FYB1: variants seen among roughly 807,000 people sequenced by gnomAD.
FYB1 encodes the protein FYN-binding protein 1.
A neutral mutation model predicts 94.1 loss-of-function variants in FYB1; 41 were observed. The observed-to-expected ratio is 0.44, with a 90% CI of 0.34 to 0.57. The LOEUF (loss-of-function observed/expected upper bound fraction) is 0.57, where lower values mean the gene tolerates loss of function less well. Ranked by LOEUF, FYB1 falls within the 20% of genes least tolerant of loss-of-function variation. The probability of loss-of-function intolerance (pLI) is 0.02; values close to 1 mark genes in which losing one functional copy is unlikely to be tolerated. For synonymous variants in FYB1, 367 were observed against 353.2 expected, an observed-to-expected ratio of 1.04 and a Z score of -0.44; for missense variants, 1,050 against 976.8, an observed-to-expected ratio of 1.07 and a Z score of -1.00.
chr5:39,187,123 G>A (rs139158895), intron 2 of FYB1, among the ~76,000 whole-genome samples: 105 of 152,088 alleles, frequency 6.9e-4, no homozygotes, highest in African/African-American at 2.4e-3. Context: ...TGCTCATTGC[G>A]CTTTTTGCAG....
intron 1 of FYB1, among the ~76,000 whole-genome samples, chr5:39,271,265 G>C (rs1055269155): frequency 6.6e-6 from 1 of 152,068 alleles, no homozygotes; most frequent in Non-Finnish European, 1.5e-5. Context: ...CTCAGTCTAG[G>C]TTCATGTATT....
intron 12 of FYB1, among the ~76,000 whole-genome samples, chr5:39,125,374 G>A (rs959466226): frequency 7.9e-5 from 12 of 152,082 alleles, no homozygotes; most frequent in East Asian, 7.7e-4. Context: ...GATTATTTTT[G>A]GAATAGAAAG....
chr5:39,263,224 G>A (rs1340874949), intron 1 of FYB1, among the ~76,000 whole-genome samples: 1 of 152,152 alleles, frequency 6.6e-6, no homozygotes, highest in Admixed American at 6.5e-5. Context: ...TCAAGAGCAA[G>A]GGTGCCACAA....
intron 8 of FYB1, 63 bp from the exon 9 acceptor site, chr5:39,134,412 T>C: frequency 6.0e-6 from 8 of 1,329,586 alleles, no homozygotes; most frequent in Non-Finnish European, 8.3e-6. Context: ...AAGTTGTGAA[T>C]AAAATATCAA....
chr5:39,257,104 A>G (rs1023675062), intron 1 of FYB1, among the ~76,000 whole-genome samples: 1 of 152,208 alleles, frequency 6.6e-6, no homozygotes, highest in African/African-American at 2.4e-5. Flanking sequence ...CTTCTGCCAG[A>G]ACTTGCATAA....
intron 1 of FYB1, among the ~76,000 whole-genome samples, chr5:39,237,866 A>T (rs1190833070): frequency 6.6e-6 from 1 of 152,122 alleles, no homozygotes; most frequent in East Asian, 1.9e-4. Flanking sequence ...TGGCTAAAGC[A>T]TCACTCAGGG....
At chr5:39,214,937 A>T (rs1278845280) in intron 1 of FYB1, among the ~76,000 whole-genome samples, 1 of 152,188 alleles carries the variant, frequency 6.6e-6, no homozygotes, top group African/African-American at 2.4e-5. Context: ...TCAAAAAAAA[A>T]ATATTGTGTG....
intron 2 of FYB1, among the ~76,000 whole-genome samples, chr5:39,178,529 T>C (rs1380476398): frequency 6.6e-6 from 1 of 152,196 alleles, no homozygotes; most frequent in Non-Finnish European, 1.5e-5. Context: ...ATAAATCACT[T>C]AATCTCTGAG....
chr5:39,159,334 G>C (rs13163973), intron 2 of FYB1, among the ~76,000 whole-genome samples: 85,806 of 152,106 alleles, frequency 0.56, 28,231 homozygotes, highest in South Asian at 0.73. Context: ...AAAAGCTCTA[G>C]CAACTACATG....
chr5:39,269,285 G>A (rs1052249589), intron 1 of FYB1, among the ~76,000 whole-genome samples: 1 of 152,006 alleles, frequency 6.6e-6, no homozygotes, highest in Non-Finnish European at 1.5e-5. Flanking sequence ...TCCTGACCTC[G>A]TGATCCGCCT....
chr5:39,107,560 G>T lies in FYB1; in HGVS notation c.2468-95C>A. 4 of 693,860 alleles carry T rather than the reference G, an allele frequency of 5.8e-6. No individual in the cohort carries two copies. In the East Asian group the frequency reaches 9.7e-5, roughly 17 times the overall value. The allele number at this position is 693,860 out of a possible 1,614,324, so 43.0% of individuals were successfully genotyped here. On this transcript the variant is annotated intron_variant, in intron 18 of 18. Coordinates refer to ENST00000512982, the MANE Select transcript of FYB1 (RefSeq NM_001465.6). ...AATGTGGGTGATTCATACTCTCCTG[G>T]TTAAGGATTAAAAAAAATAGAACTG...
Position 39,127,249 on chromosome 5 carries a change from G to A in FYB1, c.1907+492C>T, listed in dbSNP as rs543585341. ...GTATTCAATACTGGTTCTGCCATAG[G>A]TAGCATAGGTCTCAATTTATTTGGG... On this transcript the variant is annotated intron_variant, in intron 11 of 18. Transcript: ENST00000512982. 6.0e-5 allele frequency among the ~76,000 whole-genome samples: 9 copies of A among 151,130 alleles called. No individual in the cohort carries two copies. In the East Asian group the frequency reaches 1.7e-3, roughly 29 times the overall value.
Position 39,119,533 on chromosome 5 carries a change from A to T in FYB1, c.2238+2T>A. 1 of 1,526,328 alleles carries T rather than the reference A, an allele frequency of 6.6e-7. No individual in the cohort carries two copies. The highest frequency in any genetic ancestry group is 8.8e-7 in the Non-Finnish European group (1 of 1,134,272). 94.5% of individuals were successfully genotyped at this position (1,526,328 alleles called of 1,614,324 possible). A position where few individuals can be genotyped will look rare whatever the true frequency, so the allele number is the denominator to read the frequency against. ...TTTGTATAATATTTAGATATGACAT[A>T]CTTTAAATTTTTTCCTGAAGTCTTT... is the stretch of plus-strand genomic sequence containing the variant. On this transcript the variant is annotated splice_donor_variant, in intron 15 of 18. Transcript: ENST00000512982. LOFTEE classifies it high-confidence loss of function.
intron 16 of FYB1, among the ~76,000 whole-genome samples, chr5:39,114,700 T>G (rs1205999380): frequency 1.3e-5 from 2 of 152,204 alleles, no homozygotes; most frequent in Non-Finnish European, 2.9e-5. Flanking sequence ...TCTAACCAGT[T>G]AAACTATTCA....
At chr5:39,157,535 A>G (rs879398483) in intron 2 of FYB1, among the ~76,000 whole-genome samples, 13 of 152,250 alleles carry the variant, frequency 8.5e-5, no homozygotes, top group African/African-American at 1.2e-4. Flanking sequence ...TGGTTGGAAA[A>G]AAAAGCTCTC....
intron 16 of FYB1, chr5:39,110,845 C>G (rs1030781994): frequency 8.9e-5 from 29 of 327,622 alleles, no homozygotes; most frequent in African/African-American, 6.3e-4. Flanking sequence ...GAACTGTATT[C>G]AACTCCCCTT....
intron 1 of FYB1, among the ~76,000 whole-genome samples, chr5:39,227,509 T>C (rs1750532649): frequency 6.6e-6 from 1 of 152,244 alleles, no homozygotes; most frequent in Admixed American, 6.5e-5. Context: ...ATTAACAATT[T>C]GGTGTAAATC....
intron 1 of FYB1, among the ~76,000 whole-genome samples, chr5:39,270,000 C>A (rs1415604458): frequency 6.6e-6 from 1 of 152,132 alleles, no homozygotes; most frequent in East Asian, 1.9e-4. Context: ...GCTGGGAACC[C>A]ACTCACCATT....
intron 2 of FYB1, among the ~76,000 whole-genome samples, chr5:39,196,009 A>G (rs1473665471): frequency 1.3e-5 from 2 of 152,180 alleles, no homozygotes; most frequent in Non-Finnish European, 2.9e-5. Flanking sequence ...ACAGTTTACA[A>G]GGAAGGGAGC....
Sources: allele counts gnomAD v4.1 joint callset (sites outside exome capture counted in the v4.1 genomes callset), GRCh38; gene constraint gnomAD v4.1.1; transcripts MANE v1.5; gene names NCBI Gene and HGNC (gene_info 2026-07-23, HGNC 2026-07-21).